The following PTBP3 variants were observed in gnomAD, a reference collection of about 807,000 sequenced individuals.
PTBP3 encodes polypyrimidine tract-binding protein 3.
PTBP3 carries 20 observed loss-of-function variants against 58.7 expected under a neutral mutation model. The ratio of observed to expected loss-of-function variants is 0.34; its 90% CI spans 0.24 to 0.50. The LOEUF (loss-of-function observed/expected upper bound fraction) is 0.50. PTBP3 is among the 20% of genes least tolerant of loss of function. The pLI is 0.98. For synonymous variants in PTBP3, 185 were observed against 219.8 expected (o/e 0.84, Z 1.40); for missense variants, 509 against 637.2 (o/e 0.80, Z 2.17).
chr9:112,368,287 C>T, the PTBP3 span, among the ~76,000 whole-genome samples: 7 of 152,344 alleles, frequency 4.6e-5, no homozygotes, highest in East Asian at 5.8e-4. Context: ...TCTTGTGCCT[C>T]GGCCTCCTGA....
intron 1 of PTBP3, among the ~76,000 whole-genome samples, chr9:112,305,674 C>T (rs1829154955): frequency 6.6e-6 from 1 of 152,138 alleles, no homozygotes; most frequent in South Asian, 2.1e-4. Context: ...GGCACGGTGG[C>T]TCACGCCTGT....
At chr9:112,275,001 T>G (rs1827547268) in intron 3 of PTBP3, among the ~76,000 whole-genome samples, 2 of 152,370 alleles carry the variant, frequency 1.3e-5, no homozygotes, top group African/African-American at 4.8e-5. Context: ...AAAAACCAAC[T>G]GTTCTGTCTT....
chr9:112,341,621 C>T, the PTBP3 span, among the ~76,000 whole-genome samples: 19 of 151,966 alleles, frequency 1.3e-4, no homozygotes, highest in Non-Finnish European at 1.6e-4. Flanking sequence ...CTTTTCTGTG[C>T]GTTATTGATT....
chr9:112,233,320 T>C (rs2131989518), intron 8 of PTBP3, among the ~76,000 whole-genome samples: 1 of 147,964 alleles, frequency 6.8e-6, no homozygotes, highest in East Asian at 2.0e-4. Context: ...TGTGTGTATC[T>C]TCTATCAGCT....
intron 7 of PTBP3, among the ~76,000 whole-genome samples, chr9:112,243,913 C>CAA (rs1835762483): frequency 1.3e-5 from 2 of 152,050 alleles, no homozygotes; most frequent in African/African-American, 2.4e-5. Flanking sequence ...CCCAAGATTA[C>CAA]ACAGCTCATA....
chr9:112,237,452 T>C (rs977434278), intron 7 of PTBP3, among the ~76,000 whole-genome samples: 1 of 152,148 alleles, frequency 6.6e-6, no homozygotes, highest in Non-Finnish European at 1.5e-5. Context: ...AAGATAACAT[T>C]TTAACCCATG....
At chr9:112,228,129 C>T (rs769992040) in intron 11 of PTBP3, among the ~76,000 whole-genome samples, 13 of 152,028 alleles carry the variant, frequency 8.6e-5, no homozygotes, top group East Asian at 7.7e-4. Flanking sequence ...TTAAACTTAA[C>T]GGAAAAACCC....
intron 2 of PTBP3, among the ~76,000 whole-genome samples, chr9:112,290,668 TC>T (rs1828357259): frequency 9.5e-6 from 1 of 104,806 alleles, no homozygotes; most frequent in African/African-American, 3.7e-5. Context: ...TCAGACTCTG[TC>T]TTTAAAAAAA....
intron 1 of PTBP3, chr9:112,332,717 AC>A: frequency 3.2e-6 from 5 of 1,578,458 alleles, no homozygotes; most frequent in Non-Finnish European, 4.3e-6. Context: ...TTGGTCACGG[AC>A]CCCCATTAAA....
At chr9:112,235,830 G>A (rs910679229) in intron 7 of PTBP3, among the ~76,000 whole-genome samples, 2 of 152,010 alleles carry the variant, frequency 1.3e-5, no homozygotes, top group Admixed American at 1.3e-4. Context: ...CAGAAGGAAA[G>A]GGAATATCCT....
At position 112,231,421 on chromosome 9, in the gene PTBP3, G is replaced by A. The variant is rs774975925; in HGVS notation, c.1021-8C>T. 2.5e-6 allele frequency: 4 copies of A among 1,582,034 alleles called. No homozygotes were observed. The East Asian group carries it at 6.8e-5, about 27-fold the overall frequency. On this transcript the variant is annotated splice_region_variant and splice_polypyrimidine_tract_variant and intron_variant, in intron 9 of 13. Coordinates refer to ENST00000374257, the MANE Select transcript of PTBP3 (RefSeq NM_001163788.4). ...CCCATGTGGTGTGATAAGCTGTAAA[G>A]GGTAACACAAAGTTAAGTGTCTGAC...
chr9:112,326,414 T>C (rs867155918), intron 1 of PTBP3, among the ~76,000 whole-genome samples: 30 of 152,232 alleles, frequency 2.0e-4, no homozygotes, highest in African/African-American at 7.2e-4. Flanking sequence ...TGAGCACAGC[T>C]GTGTTTCAGT....
At chr9:112,294,665 T>A (rs141899739) in intron 2 of PTBP3, among the ~76,000 whole-genome samples, 2 of 152,206 alleles carry the variant, frequency 1.3e-5, no homozygotes, top group African/African-American at 4.8e-5. Flanking sequence ...TTCCAGTGAA[T>A]ACATAACAAG....
intron 7 of PTBP3, among the ~76,000 whole-genome samples, chr9:112,239,867 GA>G (rs1835583877): frequency 8.8e-6 from 1 of 113,134 alleles, no homozygotes; most frequent in Non-Finnish European, 1.9e-5. Flanking sequence ...GGGAGGGAGG[GA>G]GGGAGGGAGG....
Position 112,249,599 on chromosome 9 carries a change from C to A in PTBP3, c.802+1330G>T, listed in dbSNP as rs180720303. 2.4e-3 allele frequency among the ~76,000 whole-genome samples: 358 copies of A among 152,120 alleles called. 15 individuals are homozygous for A. Among genetic ancestry groups the A allele is most frequent in the Admixed American group, 0.022 (332 of 15,282 alleles). On this transcript the variant is annotated intron_variant, in intron 7 of 13. Transcript: ENST00000374257. ...ATGAATCACTTTTTCAGGATGTAGA[C>A]ATTATTTTGCAGTGACTAAGGATTT...
chr9:112,275,608 A>G (rs1437258300), intron 3 of PTBP3, among the ~76,000 whole-genome samples: 3 of 152,186 alleles, frequency 2.0e-5, no homozygotes, highest in Admixed American at 6.5e-5. Context: ...AAAAATATAA[A>G]ATTTGTGTCT....
At chr9:112,262,687 C>G (rs919117669) in intron 4 of PTBP3, 88 bp from the exon 5 acceptor site, 2 of 1,241,554 alleles carry the variant, frequency 1.6e-6, no homozygotes, top group Non-Finnish European at 2.1e-6. Context: ...CAGTATGAAG[C>G]AATGTAGTTA....
intron 1 of PTBP3, among the ~76,000 whole-genome samples, chr9:112,311,315 G>C (rs1161023221): frequency 6.6e-6 from 1 of 151,994 alleles, no homozygotes; most frequent in Non-Finnish European, 1.5e-5. Context: ...AACATGTACA[G>C]ACTTTTTTTG....
chr9:112,342,641 A>C, the PTBP3 span, among the ~76,000 whole-genome samples: 1 of 152,204 alleles, frequency 6.6e-6, no homozygotes, highest in African/African-American at 2.4e-5. Flanking sequence ...ACTTGAACCC[A>C]GGAGGCAGAG....
Sources: allele counts gnomAD v4.1 joint callset (sites outside exome capture counted in the v4.1 genomes callset), GRCh38; gene constraint gnomAD v4.1.1; transcripts MANE v1.5; gene names NCBI Gene and HGNC (gene_info 2026-07-23, HGNC 2026-07-21).